The following CHST7 variants were observed in gnomAD, a reference collection of about 807,000 sequenced individuals.
CHST7 encodes the protein N-acetylglucosamine 6-O-sulfotransferase 4.
CHST7 carries 5 observed loss-of-function variants against 9.0 expected under a neutral mutation model. The ratio of observed to expected loss-of-function variants is 0.56; its 90% CI spans 0.29 to 1.17. CHST7 has a LOEUF of 1.17. Ranked by LOEUF, CHST7 falls within the 50% of genes most tolerant of loss-of-function variation. The pLI is 0.08. For missense variants in CHST7, 377 were observed against 485.1 expected (o/e 0.78, Z 2.09); for synonymous variants, 244 against 237.1 (o/e 1.03, Z -0.27).
At chrX:46,580,961 G>A (rs899651006) in intron 1 of CHST7, among the ~76,000 whole-genome samples, 4 of 111,534 alleles carry the variant, frequency 3.6e-5, no homozygotes, top group African/African-American at 1.3e-4. Context: ...TGGGCCAGGC[G>A]TAGTGGCCCA....
At position 46,575,102 on chromosome X, in the gene CHST7, C is replaced by T; in HGVS notation, c.1171C>T (p.Arg391Cys). The change falls in exon 1 of 2, where the codon CGC becomes TGC. Residue 391 changes from arginine (R) to cysteine (C), a missense_variant. Arg to Cys is a radical substitution (Grantham distance 180, BLOSUM62 -3). This residue lies in a region of CHST7 where 130 missense variants were observed against 134.9 expected (regional missense o/e 0.96). Transcript: ENST00000276055. ...ACGCGCCCAGCTGCGCCGCCTGCTG[C>T]GCTTCTCCGGGCTACGCGCGCTCGC... ...QPRAQLRRLLRFSGLRALAAL... is the reference protein window; with the variant it reads ...QPRAQLRRLLCFSGLRALAAL... 1 of 1,117,864 alleles carries T rather than the reference C, an allele frequency of 8.9e-7. No individual in the cohort carries two copies. Among genetic ancestry groups the T allele is most frequent in the Non-Finnish European group, 1.2e-6 (1 of 857,377 alleles). The allele number at this position is 1,117,864 out of a possible 1,213,427, so 92.1% of individuals were successfully genotyped here.
At chrX:46,596,831 C>G (rs1942596467) in intron 1 of CHST7, among the ~76,000 whole-genome samples, 3 of 109,269 alleles carry the variant, frequency 2.7e-5, no homozygotes, top group African/African-American at 1.0e-4. Flanking sequence ...CCTGTAGTCA[C>G]AGCTACTCAG....
At position 46,575,377 on chromosome X, in the gene CHST7, C is replaced by T. The variant is rs368196966; in HGVS notation, c.1446C>T (p.Ala482=). 67 of 1,044,690 alleles carry T rather than the reference C, an allele frequency of 6.4e-5. No homozygotes were observed. Among genetic ancestry groups the T allele is most frequent in the Non-Finnish European group, 6.8e-5 (56 of 818,668 alleles). The allele number at this position is 1,044,690 out of a possible 1,213,427, so 86.1% of individuals were successfully genotyped here. Residue 482 remains alanine (A), a synonymous_variant, in exon 1 of 2, where the codon GCC becomes GCT. Coordinates refer to ENST00000276055, the MANE Select transcript of CHST7 (RefSeq NM_019886.4). ...GGGAGACGCCGCTGGAGATGGATGC[C>T]GACGGCGCCACGTAGCCTCCCATCC... ...REGETPLEMD[A]DGAT is the part of the protein sequence containing the mutation.
At chrX:46,582,294 G>A (rs183678648) in intron 1 of CHST7, among the ~76,000 whole-genome samples, 28 of 112,251 alleles carry the variant, frequency 2.5e-4, no homozygotes, top group Non-Finnish European at 4.5e-4. Flanking sequence ...CTATAGCAGA[G>A]TGACCTTATA....
At chrX:46,575,453 G>C (rs1942494822) in intron 1 of CHST7, 30 bp downstream of exon 1, 1 of 993,642 alleles carries the variant, frequency 1.0e-6, no homozygotes, top group Non-Finnish European at 1.3e-6. Context: ...GGCAGGGACC[G>C]GGACTGGTCT....
chrX:46,587,933 C>T (rs1942556969), intron 1 of CHST7, among the ~76,000 whole-genome samples: 1 of 111,997 alleles, frequency 8.9e-6, no homozygotes, highest in African/African-American at 3.2e-5. Flanking sequence ...TCAAGCCCTT[C>T]CTCAGCCCAT....
intron 1 of CHST7, among the ~76,000 whole-genome samples, chrX:46,584,954 T>C (rs1942541600): frequency 9.0e-6 from 1 of 111,551 alleles, no homozygotes; most frequent in Admixed American, 9.5e-5. Context: ...ACTTTTCCCA[T>C]GATTGAGACC....
rs757409308 is a variant in CHST7 at position 46,590,809 on chromosome X, ACT to A, written c.*32-6946_*32-6945del. 5.4e-5 allele frequency among the ~76,000 whole-genome samples: 6 copies of A among 111,377 alleles called. No individual in the cohort carries two copies. In the East Asian group the frequency reaches 1.4e-3, roughly 26 times the overall value. ...AAAGCTAGTCCATCAACACAAAAAA[ACT>A]CTCTTGTGCTACCCTCATTATCATT... On this transcript the variant is annotated intron_variant, in intron 1 of 1. Coordinates refer to ENST00000276055, the MANE Select transcript of CHST7 (RefSeq NM_019886.4).
At chrX:46,589,424 C>T (rs769254294) in intron 1 of CHST7, among the ~76,000 whole-genome samples, 5 of 110,074 alleles carry the variant, frequency 4.5e-5, no homozygotes, top group Non-Finnish European at 7.6e-5. Flanking sequence ...GTGGCAGGCA[C>T]CTGTAATCCC....
At chrX:46,597,160 C>T (rs772376319) in intron 1 of CHST7, among the ~76,000 whole-genome samples, 1 of 111,265 alleles carries the variant, frequency 9.0e-6, no homozygotes, top group South Asian at 3.8e-4. Flanking sequence ...GGAAGGATCA[C>T]AGGAGAGCAA....
At chrX:46,585,283 T>C (rs1023355540) in intron 1 of CHST7, among the ~76,000 whole-genome samples, 1 of 70,692 alleles carries the variant, frequency 1.4e-5, no homozygotes, top group African/African-American at 7.5e-5. Flanking sequence ...CTTTCTTTTT[T>C]TCTTTTCTTT....
At chrX:46,587,519 G>A (rs1448272957) in intron 1 of CHST7, among the ~76,000 whole-genome samples, 3 of 112,114 alleles carry the variant, frequency 2.7e-5, no homozygotes, top group African/African-American at 9.7e-5. Context: ...CAGATTAAAT[G>A]TCTGGAAATT....
At position 46,585,592 on chromosome X, in the gene CHST7, C is replaced by T. The variant is rs1338104035; in HGVS notation, c.*31+10169C>T. On this transcript the variant is annotated intron_variant, in intron 1 of 1. Coordinates refer to ENST00000276055, the MANE Select transcript of CHST7 (RefSeq NM_019886.4). ...GGGGTGACCCACCACACCTGGCCCA[C>T]CCTCCCATTTTCTAGCTGCTAGGAA... 2.7e-5 allele frequency among the ~76,000 whole-genome samples: 3 copies of T among 111,304 alleles called. No homozygotes were observed. In the South Asian group the frequency reaches 1.1e-3, roughly 41 times the overall value.
chrX:46,587,277 G>A (rs751394187), intron 1 of CHST7, among the ~76,000 whole-genome samples: 1 of 110,884 alleles, frequency 9.0e-6, no homozygotes, highest in South Asian at 3.9e-4. Flanking sequence ...AGGTGACGGC[G>A]GGAGTGTGTG....
chrX:46,574,623 C>A lies in CHST7; in HGVS notation c.692C>A (p.Pro231His). ...EDTACERSCPPVAIRALEAEC... is the reference protein window; with the variant it reads ...EDTACERSCPHVAIRALEAEC... ...ACCGCCTGCGAGCGCAGCTGCCCAC[C>A]CGTGGCGATACGCGCCCTGGAGGCC... The change falls in exon 1 of 2, where the codon CCC (proline) becomes CAC (histidine). Residue 231 changes from proline to histidine, a missense_variant. Transcript: ENST00000276055. 1.7e-6 allele frequency: 2 copies of A among 1,207,158 alleles called. No individual in the cohort carries two copies. Among genetic ancestry groups the A allele is most frequent in the Non-Finnish European group, 2.2e-6 (2 of 893,363 alleles).
chrX:46,578,821 C>T (rs1325811035), intron 1 of CHST7, among the ~76,000 whole-genome samples: 1 of 111,508 alleles, frequency 9.0e-6, no homozygotes, highest in African/African-American at 3.3e-5. Flanking sequence ...CCTGCCCTAG[C>T]CCAATCATTG....
rs983193105 is a variant in CHST7 at position 46,590,597 on chromosome X, C to T, written c.*32-7163C>T. On this transcript the variant is annotated intron_variant, in intron 1 of 1. Coordinates refer to ENST00000276055, the MANE Select transcript of CHST7 (RefSeq NM_019886.4). Reference sequence around the variant, plus strand: ...GAGGTCCAGTGTACCCTTCAAATAGCTTCCCCCAAAGGAACACCTTATATG... The same window carrying T: ...GAGGTCCAGTGTACCCTTCAAATAGTTTCCCCCAAAGGAACACCTTATATG... 3.6e-5 allele frequency among the ~76,000 whole-genome samples: 4 copies of T among 111,627 alleles called. No individual in the cohort carries two copies. The Admixed American group carries it at 3.8e-4, about 11-fold the overall frequency.
At chrX:46,592,843 T>TTATTG (rs1942579057) in intron 1 of CHST7, among the ~76,000 whole-genome samples, 1 of 108,326 alleles carries the variant, frequency 9.2e-6, no homozygotes, top group Non-Finnish European at 1.9e-5. Flanking sequence ...TGATTTGAGA[T>TTATTG]CTTTTTTTCT....
intron 1 of CHST7, among the ~76,000 whole-genome samples, chrX:46,593,079 G>C (rs978956286): frequency 1.8e-5 from 2 of 110,534 alleles, no homozygotes; most frequent in African/African-American, 6.6e-5. Context: ...CATTTGTTCA[G>C]ATTTGTTTTG....
Sources: gnomAD v4.1 joint callset for allele counts (sites outside exome capture counted in the v4.1 genomes callset) on GRCh38, gnomAD v4.1.1 for gene constraint, gnomAD v4.1.1 regional missense constraint, MANE v1.5 for transcripts, NCBI Gene and HGNC (gene_info 2026-07-23, HGNC 2026-07-21) for gene names.